The following ARHGEF28 variants were observed in gnomAD, a reference collection of about 807,000 sequenced individuals.
ARHGEF28 encodes Rho guanine nucleotide exchange factor 28, also known as 190 kDa guanine nucleotide exchange factor.
A neutral mutation model predicts 206.6 loss-of-function variants in ARHGEF28; 152 were observed. That is an observed-to-expected ratio of 0.74 (90% confidence interval 0.64 to 0.84). The LOEUF is 0.84. ARHGEF28 is among the 40% of genes least tolerant of loss of function. The pLI is 0.00. For missense variants in ARHGEF28, 2,028 were observed against 2,073.2 expected, an observed-to-expected ratio of 0.98 and a Z score of 0.42; for synonymous variants, 763 against 776.4, an observed-to-expected ratio of 0.98 and a Z score of 0.29.
intron 2 of ARHGEF28, among the ~76,000 whole-genome samples, chr5:73,693,393 T>C (rs1747969842): frequency 6.6e-6 from 1 of 152,192 alleles, no homozygotes; most frequent in Non-Finnish European, 1.5e-5. Context: ...CTGGTAACTA[T>C]GTCTAGGCAA....
In ARHGEF28 at chr5:73,847,256, A is replaced by G. The variant is rs556438996; in HGVS notation, c.1635+781A>G. Among the ~76,000 whole-genome samples, 711 of 152,316 alleles carry G rather than the reference A, an allele frequency of 4.7e-3. 7 individuals are homozygous for G. Among genetic ancestry groups the G allele is most frequent in the African/African-American group, 0.016 (666 of 41,562 alleles). On this transcript the variant is annotated intron_variant, in intron 12 of 35. Transcript: ENST00000513042. ...ATACCTTCTTTTTGTAGCATGCCCT[A>G]CAATATACAAAATATGTTTTATGTA...
chr5:73,816,423 G>A (rs542998119), intron 9 of ARHGEF28, among the ~76,000 whole-genome samples: 155 of 152,224 alleles, frequency 1.0e-3, no homozygotes, highest in African/African-American at 3.4e-3. Flanking sequence ...TCATATGTAG[G>A]TTCAAGTCAC....
chr5:73,905,625 G>T (rs1036838508), intron 33 of ARHGEF28, among the ~76,000 whole-genome samples: 1 of 152,110 alleles, frequency 6.6e-6, no homozygotes, highest in African/African-American at 2.4e-5. Context: ...AACTTTCTCT[G>T]TCATCAACTA....
chr5:73,857,122 A>G (rs1759093864), intron 14 of ARHGEF28, among the ~76,000 whole-genome samples: 1 of 152,066 alleles, frequency 6.6e-6, no homozygotes, highest in Non-Finnish European at 1.5e-5. Flanking sequence ...TGAGTGGGAG[A>G]GGCTGCACCG....
chr5:73,937,021 T>A (rs974643138), intron 35 of ARHGEF28, among the ~76,000 whole-genome samples: 4 of 152,206 alleles, frequency 2.6e-5, no homozygotes, highest in African/African-American at 7.2e-5. Flanking sequence ...CTGTTAGAAA[T>A]GTCAGTATTG....
At chr5:73,811,980 CAAAA>C (rs11337063) in intron 9 of ARHGEF28, among the ~76,000 whole-genome samples, 10 of 114,488 alleles carry the variant, frequency 8.7e-5, no homozygotes, top group African/African-American at 1.6e-4. Flanking sequence ...GAGCCTGTCT[CAAAA>C]AAAAAAAAAA....
chr5:73,911,739 G>T lies in ARHGEF28; in HGVS notation c.4948+164G>T, dbSNP rs1762920152. ...TTCACTTTTCTTTGGGGAAGTCTGG[G>T]GACAGCCTTTGCTTGTAAGTTACCT... is the stretch of plus-strand genomic sequence containing the variant. On this transcript the variant is annotated intron_variant, in intron 35 of 35. Coordinates refer to ENST00000513042, the MANE Select transcript of ARHGEF28 (RefSeq NM_001177693.2). 21 of 752,888 alleles carry T rather than the reference G, an allele frequency of 2.8e-5. No homozygotes were observed. In the South Asian group the frequency reaches 4.1e-4, roughly 15 times the overall value. 46.6% of individuals were successfully genotyped at this position (752,888 alleles called of 1,614,324 possible).
chr5:73,690,171 C>T (rs1027728867), intron 2 of ARHGEF28, among the ~76,000 whole-genome samples: 6 of 151,896 alleles, frequency 4.0e-5, no homozygotes, highest in Admixed American at 6.6e-5. Flanking sequence ...AGATAGGAAA[C>T]GATGCAAGGA....
chr5:73,754,531 G>A (rs1380356352), intron 4 of ARHGEF28, among the ~76,000 whole-genome samples: 2 of 152,030 alleles, frequency 1.3e-5, no homozygotes, highest in African/African-American at 4.8e-5. Flanking sequence ...ATATAAGGGG[G>A]AGTTGCAGTG....
intron 35 of ARHGEF28, among the ~76,000 whole-genome samples, chr5:73,930,814 G>A (rs184834107): frequency 3.0e-4 from 46 of 152,052 alleles, no homozygotes; most frequent in African/African-American, 6.0e-4. Flanking sequence ...ACATCTATCC[G>A]CTTCATTTTC....
chr5:73,929,636 CA>C (rs1474814480), intron 35 of ARHGEF28, among the ~76,000 whole-genome samples: 1 of 152,132 alleles, frequency 6.6e-6, no homozygotes, highest in Non-Finnish European at 1.5e-5. Flanking sequence ...ATGCAATTAA[CA>C]AATGTTTCCA....
intron 4 of ARHGEF28, among the ~76,000 whole-genome samples, chr5:73,769,079 C>T (rs909290860): frequency 3.3e-5 from 5 of 152,164 alleles, no homozygotes; most frequent in Non-Finnish European, 7.3e-5. Context: ...GTCCATTAAA[C>T]CTCTTTCTTT....
chr5:73,909,687 C>A lies in ARHGEF28; in HGVS notation c.4437C>A (p.Cys1479Ter), dbSNP rs1393351744. The change falls in exon 34 of 36, where the codon TGC becomes TGA. Residue 1479 changes from cysteine to a stop codon, truncating the protein, a stop_gained. Coordinates refer to ENST00000513042, the MANE Select transcript of ARHGEF28 (RefSeq NM_001177693.2). LOFTEE classifies it high-confidence loss of function. ...GGCTGCAGGAGCGGGAGCGGGAGTG[C>A]CAGTCGCAGGAGGAGCTGCTGCTGC... ...ESWLQERERE[C>*]QSQEELLLRS... 6.5e-7 allele frequency: 1 copy of A among 1,536,768 alleles called. No individual in the cohort carries two copies. The highest frequency in any genetic ancestry group is 1.4e-5 in the African/African-American group (1 of 72,956).
intron 2 of ARHGEF28, among the ~76,000 whole-genome samples, chr5:73,740,855 G>A (rs1254876219): frequency 1.3e-5 from 2 of 152,280 alleles, no homozygotes; most frequent in East Asian, 1.9e-4. Context: ...TCAATATAGG[G>A]TAGGGCAGGC....
intron 2 of ARHGEF28, among the ~76,000 whole-genome samples, chr5:73,744,421 A>T (rs745780252): frequency 2.6e-4 from 39 of 152,068 alleles, no homozygotes; most frequent in Non-Finnish European, 5.3e-4. Context: ...AGTAGTACCT[A>T]TAGTTGTATT....
At chr5:73,936,125 G>A (rs1368525507) in intron 35 of ARHGEF28, among the ~76,000 whole-genome samples, 4 of 151,356 alleles carry the variant, frequency 2.6e-5, no homozygotes, top group Admixed American at 2.6e-4. Flanking sequence ...TTCAGAAAAA[G>A]GCAAAGCCTA....
rs1761090319 is a variant in ARHGEF28 at position 73,883,654 on chromosome 5, A to T, written c.2938-113A>T. ...TGCATCGTTTTAATTGATAGCAATG[A>T]ATGTTAAGTCTGCATAAAATTGTAC... is the stretch of plus-strand genomic sequence containing the variant. On this transcript the variant is annotated intron_variant, in intron 23 of 35. Transcript: ENST00000513042. 6 of 541,650 alleles carry T rather than the reference A, an allele frequency of 1.1e-5. No homozygotes were observed. The East Asian group carries it at 2.0e-4, about 18-fold the overall frequency. 33.6% of individuals were successfully genotyped at this position (541,650 alleles called of 1,614,324 possible). A position where few individuals can be genotyped will look rare whatever the true frequency, so the allele number is the denominator to read the frequency against.
intron 1 of ARHGEF28, among the ~76,000 whole-genome samples, chr5:73,657,167 C>T (rs1323404444): frequency 1.9e-5 from 2 of 106,776 alleles, no homozygotes; most frequent in Non-Finnish European, 3.8e-5. Flanking sequence ...AGCAAGACTC[C>T]GTCCCAAAAA....
chr5:73,734,726 A>G (rs1040741786), intron 2 of ARHGEF28, among the ~76,000 whole-genome samples: 5 of 152,224 alleles, frequency 3.3e-5, no homozygotes, highest in Admixed American at 6.5e-5. Context: ...TTCCAGAAGA[A>G]TGCAAGAACT....
Sources: allele counts gnomAD v4.1 joint callset (sites outside exome capture counted in the v4.1 genomes callset), GRCh38; gene constraint gnomAD v4.1.1; transcripts MANE v1.5; gene names NCBI Gene and HGNC (gene_info 2026-07-23, HGNC 2026-07-21).